Variants in ATRNL1 observed in about 807,000 individuals in gnomAD.
ATRNL1 encodes the protein attractin like 1, also known as attractin-like protein 1.
ATRNL1 carries 95 observed loss-of-function variants against 182.7 expected under a neutral mutation model. That is an observed-to-expected ratio of 0.52 (90% confidence interval 0.44 to 0.62). The LOEUF (loss-of-function observed/expected upper bound fraction) is 0.62, where lower values mean the gene tolerates loss of function less well. ATRNL1 is among the 20% of genes least tolerant of loss of function. The pLI, the probability that ATRNL1 is intolerant of heterozygous loss-of-function variation, is 0.00. For missense variants in ATRNL1, 1,471 were observed against 1,679.5 expected, an observed-to-expected ratio of 0.88 and a Z score of 2.17; for synonymous variants, 576 against 568.3, an observed-to-expected ratio of 1.01 and a Z score of -0.19.
rs192401510 is a variant in ATRNL1 at position 115,666,229 on chromosome 10, C to G, written c.3796-61019C>G. ...ACTTCCAGAGTATTTTAAAGGTCGT[C>G]CAAGGTTTGAAAAACACTGACTTAC... On this transcript the variant is annotated intron_variant, in intron 26 of 28. Coordinates refer to ENST00000355044, the MANE Select transcript of ATRNL1 (RefSeq NM_207303.4). 1.7e-3 allele frequency among the ~76,000 whole-genome samples: 266 copies of G among 152,214 alleles called. 1 individual carries two copies. The highest frequency in any genetic ancestry group is 3.0e-3 in the Non-Finnish European group (205 of 68,006).
intron 26 of ATRNL1, among the ~76,000 whole-genome samples, chr10:115,638,679 C>T (rs991652322): frequency 2.0e-5 from 3 of 152,088 alleles, no homozygotes; most frequent in African/African-American, 4.8e-5. Context: ...TGGACATGAA[C>T]ATGGCGAATT....
At position 115,713,461 on chromosome 10, in the gene ATRNL1, G is replaced by GTGTGTGTGTGTGTA. The variant is rs71010041; in HGVS notation, c.3796-13782_3796-13781insGTGTGTGTATGTGT. On this transcript the variant is annotated intron_variant, in intron 26 of 28. Transcript: ENST00000355044. The stretch of plus-strand genomic sequence containing the variant: ...AAAGTGGCTGTGTGTGTGTGTGTGT[G>GTGTGTGTGTGTGTA]TGTGTTTGTGTGTGTGTCTGTGTGA... Among the ~76,000 whole-genome samples, 5 of 146,036 alleles carry GTGTGTGTGTGTGTA rather than the reference G, an allele frequency of 3.4e-5. No individual in the cohort carries two copies. The South Asian group carries it at 8.5e-4, about 25-fold the overall frequency.
chr10:115,907,652 A>C (rs985151631), intron 28 of ATRNL1, among the ~76,000 whole-genome samples: 2 of 152,190 alleles, frequency 1.3e-5, no homozygotes, highest in Non-Finnish European at 2.9e-5. Flanking sequence ...ATTCCCAAGT[A>C]AGCAGGATCA....
intron 28 of ATRNL1, among the ~76,000 whole-genome samples, chr10:115,928,448 A>C (rs1273668508): frequency 3.9e-5 from 6 of 152,082 alleles, no homozygotes; most frequent in Non-Finnish European, 8.8e-5. Flanking sequence ...TTTTCCTTAC[A>C]TAAAATTCAT....
At chr10:115,248,242 C>T (rs1356663100) in intron 10 of ATRNL1, among the ~76,000 whole-genome samples, 1 of 152,078 alleles carries the variant, frequency 6.6e-6, no homozygotes, top group Non-Finnish European at 1.5e-5. Context: ...CTGATCTGAT[C>T]ACTATACATT....
At position 115,858,670 on chromosome 10, in the gene ATRNL1, A is replaced by G. The variant is rs564762091; in HGVS notation, c.4018+10679A>G. Among the ~76,000 whole-genome samples, 388 of 152,324 alleles carry G rather than the reference A, an allele frequency of 2.5e-3. 1 individual carries two copies. The highest frequency in any genetic ancestry group is 8.9e-3 in the African/African-American group (370 of 41,578). On this transcript the variant is annotated intron_variant, in intron 28 of 28. Coordinates refer to ENST00000355044, the MANE Select transcript of ATRNL1 (RefSeq NM_207303.4). ...GTTTACCTATGTAACAAACCTGCAC[A>G]TCTGCACATGGACCTCGGAACTTAA...
At chr10:115,715,322 C>T (rs1206101040) in intron 26 of ATRNL1, among the ~76,000 whole-genome samples, 1 of 152,118 alleles carries the variant, frequency 6.6e-6, no homozygotes, top group Non-Finnish European at 1.5e-5. Flanking sequence ...GCCTAGTCTG[C>T]TAGCTAGGGA....
intron 28 of ATRNL1, among the ~76,000 whole-genome samples, chr10:115,858,334 A>G (rs1359089262): frequency 6.6e-6 from 1 of 152,234 alleles, no homozygotes; most frequent in African/African-American, 2.4e-5. Context: ...GGTGGTATAT[A>G]TACACCATGG....
intron 9 of ATRNL1, among the ~76,000 whole-genome samples, chr10:115,225,970 G>T (rs1849678163): frequency 6.6e-6 from 1 of 151,304 alleles, no homozygotes; most frequent in African/African-American, 2.4e-5. Context: ...AACAAAGCTG[G>T]AGGACTTTTC....
intron 25 of ATRNL1, among the ~76,000 whole-genome samples, chr10:115,534,813 A>G (rs57794876): frequency 0.016 from 2,342 of 146,040 alleles, no homozygotes; most frequent in African/African-American, 0.056. Context: ...TGGTGACAAA[A>G]TCTCTCAGCA....
intron 27 of ATRNL1, among the ~76,000 whole-genome samples, chr10:115,741,827 G>A (rs1436472490): frequency 2.6e-5 from 4 of 152,164 alleles, no homozygotes; most frequent in Admixed American, 2.6e-4. Flanking sequence ...TCATGGGAGT[G>A]AGAAAAGAGA....
At chr10:115,509,393 G>T (rs1043252570) in intron 24 of ATRNL1, among the ~76,000 whole-genome samples, 1 of 151,978 alleles carries the variant, frequency 6.6e-6, no homozygotes, top group Non-Finnish European at 1.5e-5. Flanking sequence ...TGGGGGCCTG[G>T]TGGGAGGTGA....
At chr10:115,327,270 G>A (rs1370719514) in intron 18 of ATRNL1, among the ~76,000 whole-genome samples, 1 of 150,414 alleles carries the variant, frequency 6.6e-6, no homozygotes, top group African/African-American at 2.4e-5. Flanking sequence ...CAAAAAGTGG[G>A]CAAAGGACAT....
intron 26 of ATRNL1, among the ~76,000 whole-genome samples, chr10:115,644,058 A>G (rs1859441348): frequency 6.6e-6 from 1 of 152,166 alleles, no homozygotes; most frequent in Non-Finnish European, 1.5e-5. Context: ...CCTGGGAACA[A>G]TCTAATATTC....
chr10:115,201,287 A>G (rs1385915277), intron 8 of ATRNL1, among the ~76,000 whole-genome samples: 71 of 151,988 alleles, frequency 4.7e-4, no homozygotes, highest in African/African-American at 1.6e-3. Context: ...TTGGTGTTTT[A>G]GACATGAAGT....
chr10:115,270,298 T>TATTATATATAAATATATAAAC (rs1385931099), intron 13 of ATRNL1, among the ~76,000 whole-genome samples: 37 of 145,458 alleles, frequency 2.5e-4, no homozygotes, highest in African/African-American at 8.4e-4. Flanking sequence ...TTTGTTTATA[T>TATTATATATAAATATATAAAC]ATTTGTTTAT....
At chr10:115,454,214 G>A (rs1847416762) in intron 21 of ATRNL1, among the ~76,000 whole-genome samples, 1 of 151,958 alleles carries the variant, frequency 6.6e-6, no homozygotes, top group Non-Finnish European at 1.5e-5. Context: ...AACTCTACAT[G>A]CATGGGTTTA....
chr10:115,794,642 G>C (rs1338463188), intron 27 of ATRNL1, among the ~76,000 whole-genome samples: 2 of 152,064 alleles, frequency 1.3e-5, no homozygotes, highest in Non-Finnish European at 2.9e-5. Flanking sequence ...GTAATCTTTA[G>C]TGGTGATATT....
chr10:115,628,604 T>C (rs1858266886), intron 26 of ATRNL1, among the ~76,000 whole-genome samples: 1 of 152,188 alleles, frequency 6.6e-6, no homozygotes, highest in Non-Finnish European at 1.5e-5. Flanking sequence ...ATACTTTTTT[T>C]CTTTTGTTGC....
Sources: allele counts gnomAD v4.1 joint callset (sites outside exome capture counted in the v4.1 genomes callset), GRCh38; gene constraint gnomAD v4.1.1; transcripts MANE v1.5; gene names NCBI Gene and HGNC (gene_info 2026-07-23, HGNC 2026-07-21).